CALHM4: variants seen among roughly 807,000 people sequenced by gnomAD.
CALHM4 encodes calcium homeostasis modulator family member 4.
A neutral mutation model predicts 13.3 loss-of-function variants in CALHM4; 16 were observed. That is an observed-to-expected ratio of 1.20 (90% CI 0.81 to 1.82). The LOEUF is 1.82. Among genes scored for constraint, CALHM4 ranks in the 40% most tolerant of loss-of-function variants. The pLI is 0.00. For missense variants in CALHM4, 344 were observed against 374.9 expected, an observed-to-expected ratio of 0.92 and a Z score of 0.68; for synonymous variants, 127 against 137.1, an observed-to-expected ratio of 0.93 and a Z score of 0.52.
rs1346596555 is a variant in CALHM4 at position 116,558,219 on chromosome 6, A to G, written c.*8A>G. ...ATTGAATTAAAACCTTGATTACAGC[A>G]CCTTTCATGAGTCAGGTTGCTTAGC... On this transcript the variant is annotated 3_prime_UTR_variant, in exon 2 of 2. Coordinates refer to ENST00000368596, the MANE Select transcript of CALHM4 (RefSeq NM_001366078.2). 3.1e-6 allele frequency: 5 copies of G among 1,599,032 alleles called. No individual in the cohort carries two copies. The African/African-American group carries it at 4.0e-5, about 13-fold the overall frequency.
chr6:116,560,083 TA>T lies in CALHM4; in HGVS notation c.*1873del, dbSNP rs1223904292. On this transcript the variant is annotated 3_prime_UTR_variant, in exon 2 of 2. Coordinates refer to ENST00000368596, the MANE Select transcript of CALHM4 (RefSeq NM_001366078.2). ...AACTAGGGTTCTAGTTCCACACTGA[TA>T]CAAATGAACTGTGTAAATATGGAAT... Among the ~76,000 whole-genome samples the T allele has an allele frequency of 1.3e-5, 2 of 152,222 alleles. No homozygotes were observed. The highest frequency in any genetic ancestry group is 4.8e-5 in the African/African-American group (2 of 41,462).
At chr6:116,557,698 T>C (rs1397793663) in intron 1 of CALHM4, 127 bp from the exon 2 acceptor site, 4 of 1,105,820 alleles carry the variant, frequency 3.6e-6, no homozygotes, top group African/African-American at 3.1e-5. Context: ...ATACTAAAGA[T>C]GGGAAAAGCA....
At chr6:116,541,833 G>A (rs1773482367) in intron 1 of CALHM4, among the ~76,000 whole-genome samples, 1 of 152,114 alleles carries the variant, frequency 6.6e-6, no homozygotes, top group African/African-American at 2.4e-5. Context: ...TACACATATT[G>A]CTTTGGTCAA....
intron 1 of CALHM4, chr6:116,543,228 T>C: frequency 9.4e-7 from 1 of 1,066,914 alleles, no homozygotes; most frequent in East Asian, 2.7e-5. Context: ...GCAAAGGAAG[T>C]CATTAGAGGC....
At position 116,560,965 on chromosome 6, in the gene CALHM4, A is replaced by G. The variant is rs1201038734; in HGVS notation, c.*2754A>G. ...GAGACAAATACAAACCAATGTGTAAATGTGTTTTACTCAGCTTTCTTTATG... is the reference window on the plus strand; with the variant it reads ...GAGACAAATACAAACCAATGTGTAAGTGTGTTTTACTCAGCTTTCTTTATG... On this transcript the variant is annotated 3_prime_UTR_variant, in exon 2 of 2. Coordinates refer to ENST00000368596, the MANE Select transcript of CALHM4 (RefSeq NM_001366078.2). 1.3e-5 allele frequency among the ~76,000 whole-genome samples: 2 copies of G among 152,152 alleles called. No individual in the cohort carries two copies. Among genetic ancestry groups the G allele is most frequent in the Non-Finnish European group, 2.9e-5 (2 of 68,028 alleles).
upstream of CALHM4, among the ~76,000 whole-genome samples, chr6:116,549,004 G>C (rs1247809395): frequency 3.9e-5 from 6 of 152,138 alleles, no homozygotes; most frequent in Non-Finnish European, 5.9e-5. Flanking sequence ...ACATAAGAAG[G>C]CCAGGCATGG....
intron 1 of CALHM4, among the ~76,000 whole-genome samples, chr6:116,542,755 A>T (rs1042900981): frequency 6.6e-6 from 1 of 152,108 alleles, no homozygotes. Context: ...TTTTTAAGAA[A>T]AGCATAGTAA....
intron 1 of CALHM4, among the ~76,000 whole-genome samples, chr6:116,542,491 T>G (rs188585521): frequency 2.6e-5 from 4 of 152,238 alleles, no homozygotes; most frequent in Admixed American, 2.0e-4. Flanking sequence ...TCCCCTTCAA[T>G]CTGCCTAGAT....
At chr6:116,539,906 G>A (rs1197183690) in intron 1 of CALHM4, among the ~76,000 whole-genome samples, 3 of 152,158 alleles carry the variant, frequency 2.0e-5, no homozygotes, top group Non-Finnish European at 4.4e-5. Context: ...GGCTATGAAA[G>A]TTCTTAGAAC....
At position 116,554,034 on chromosome 6, in the gene CALHM4, T is replaced by C. The variant is rs988170076; in HGVS notation, c.241T>C (p.Tyr81His). 3 of 1,550,608 alleles carry C rather than the reference T, an allele frequency of 1.9e-6. No homozygotes were observed. The highest frequency in any genetic ancestry group is 2.6e-6 in the Non-Finnish European group (3 of 1,147,036). The change falls in exon 1 of 2, where the codon TAC becomes CAC. Residue 81 changes from tyrosine to histidine, a missense_variant. By Grantham distance (83) the Tyr-to-His change is moderately conservative. Coordinates refer to ENST00000368596, the MANE Select transcript of CALHM4 (RefSeq NM_001366078.2). ...CCAAATGTGGACAATTACCGGTGAATACTGCTGCAGCTGTGCCCCTCCATA... is the reference window on the plus strand; with the variant it reads ...CCAAATGTGGACAATTACCGGTGAACACTGCTGCAGCTGTGCCCCTCCATA... ...RSQMWTITGE[Y>H]CCSCAPPYRR...
intron 1 of CALHM4, among the ~76,000 whole-genome samples, chr6:116,557,084 T>G (rs1451069884): frequency 6.6e-6 from 1 of 151,914 alleles, no homozygotes; most frequent in Non-Finnish European, 1.5e-5. Context: ...ATTACAGGCA[T>G]GTGCCACCAT....
chr6:116,551,832 T>C (rs1268488955), upstream of CALHM4, among the ~76,000 whole-genome samples: 2 of 152,196 alleles, frequency 1.3e-5, no homozygotes, highest in South Asian at 2.1e-4. Flanking sequence ...CCACCATCAG[T>C]GTATGAGAAT....
intron 1 of CALHM4, among the ~76,000 whole-genome samples, chr6:116,542,089 A>G (rs1352386214): frequency 6.6e-6 from 1 of 152,194 alleles, no homozygotes; most frequent in East Asian, 1.9e-4. Context: ...TCACAAAACA[A>G]TGCAAGTTTA....
upstream of CALHM4, among the ~76,000 whole-genome samples, chr6:116,551,595 T>C (rs1774083522): frequency 6.6e-6 from 1 of 152,198 alleles, no homozygotes; most frequent in Non-Finnish European, 1.5e-5. Context: ...TGTATAATAC[T>C]TTGTTGATTC....
chr6:116,556,858 T>C (rs147500099), intron 1 of CALHM4, among the ~76,000 whole-genome samples: 181 of 152,202 alleles, frequency 1.2e-3, no homozygotes, highest in African/African-American at 4.3e-3. Context: ...AGCAAATGAT[T>C]ATTTGAGGAC....
chr6:116,537,614 T>A (rs148832010), intron 1 of CALHM4, among the ~76,000 whole-genome samples: 1 of 152,324 alleles, frequency 6.6e-6, no homozygotes, highest in Non-Finnish European at 1.5e-5. Flanking sequence ...TTGTTCTATT[T>A]CCACATATTG....
intron 1 of CALHM4, among the ~76,000 whole-genome samples, chr6:116,556,317 G>T (rs570553735): frequency 6.6e-6 from 1 of 152,008 alleles, no homozygotes; most frequent in African/African-American, 2.4e-5. Flanking sequence ...CCTTTTTTAG[G>T]CTTAAAAATT....
chr6:116,557,186 C>T (rs1297897510), intron 1 of CALHM4, among the ~76,000 whole-genome samples: 1 of 152,066 alleles, frequency 6.6e-6, no homozygotes, highest in African/African-American at 2.4e-5. Context: ...GATCCGCCTG[C>T]CTGACCTCCC....
upstream of CALHM4, among the ~76,000 whole-genome samples, chr6:116,548,894 T>C (rs1773924501): frequency 6.6e-6 from 1 of 152,250 alleles, no homozygotes; most frequent in Non-Finnish European, 1.5e-5. Flanking sequence ...TGTGCATGTT[T>C]GATGTAGGGT....
Sources: gnomAD v4.1 joint callset for allele counts (sites outside exome capture counted in the v4.1 genomes callset) on GRCh38, gnomAD v4.1.1 for gene constraint, MANE v1.5 for transcripts, NCBI Gene and HGNC (gene_info 2026-07-23, HGNC 2026-07-21) for gene names.